Variants in KCNQ2 observed in about 807,000 individuals in gnomAD.
KCNQ2 encodes potassium voltage-gated channel subfamily Q member 2, also known as potassium voltage-gated channel subfamily KQT member 2.
In KCNQ2, 14 loss-of-function variants were observed where a neutral mutation model predicts 84.8. The observed-to-expected ratio is 0.17, with a 90% confidence interval of 0.11 to 0.26. The LOEUF (loss-of-function observed/expected upper bound fraction) is 0.26. Among genes scored for constraint, KCNQ2 ranks in the 10% least tolerant of loss-of-function variants. The probability of loss-of-function intolerance (pLI) is 1.00; values close to 1 mark genes in which losing one functional copy is unlikely to be tolerated. For missense variants in KCNQ2, 788 were observed against 1,254.0 expected (o/e 0.63, Z 5.61); for synonymous variants, 599 against 554.1 (o/e 1.08, Z -1.14).
intron 1 of KCNQ2, among the ~76,000 whole-genome samples, chr20:63,458,186 A>G (rs1192268855): frequency 6.7e-6 from 1 of 148,416 alleles, no homozygotes. Context: ...CCCACTCTCC[A>G]CTGCCCCATC....
In KCNQ2 at chr20:63,439,658, G is replaced by T; in HGVS notation, c.867C>A (p.Asn289Lys). 6.2e-7 allele frequency: 1 copy of T among 1,613,874 alleles called. No homozygotes were observed. The highest frequency in any genetic ancestry group is 1.1e-5 in the South Asian group (1 of 91,088). The change falls in exon 6 of 17, where the codon AAC (asparagine) becomes AAA (lysine). Residue 289 changes from asparagine (N) to lysine (K), a missense_variant. This residue lies in a region of KCNQ2 where 18 missense variants were observed against 166.0 expected (regional missense o/e 0.11). Transcript: ENST00000359125. Reference sequence around the variant, plus strand: ...TGAAGGTTGCCGCAAGGAGCCTGCCGTTCCAGGTCTGGGGGTACTTGTCCC... The same window carrying T: ...TGAAGGTTGCCGCAAGGAGCCTGCCTTTCCAGGTCTGGGGGTACTTGTCCC... ...GYGDKYPQTWNGRLLAATFTL... is the reference protein window; with the variant it reads ...GYGDKYPQTWKGRLLAATFTL...
chr20:63,431,654 A>C (rs1600723434), intron 8 of KCNQ2, among the ~76,000 whole-genome samples: 1 of 152,116 alleles, frequency 6.6e-6, no homozygotes, highest in Non-Finnish European at 1.5e-5. Context: ...GGGTTGGGGC[A>C]GACCCCAGAG....
At chr20:63,451,137 CA>C (rs58922723) in intron 1 of KCNQ2, among the ~76,000 whole-genome samples, 12,025 of 109,958 alleles carry the variant, frequency 0.11, 746 homozygotes, top group South Asian at 0.27. Flanking sequence ...GACTCTGTCC[CA>C]AAAAAAAAAA....
intron 15 of KCNQ2, among the ~76,000 whole-genome samples, chr20:63,412,614 G>A (rs2080153947): frequency 6.6e-6 from 1 of 152,210 alleles, no homozygotes; most frequent in Non-Finnish European, 1.5e-5. Flanking sequence ...TTCCTCAGAT[G>A]AGAGCTTCAC....
In KCNQ2 at chr20:63,438,766, C is replaced by T; in HGVS notation, c.928-46G>A. 3.9e-6 allele frequency: 6 copies of T among 1,551,374 alleles called. No homozygotes were observed. The highest frequency in any genetic ancestry group is 1.7e-4 in the Middle Eastern group (1 of 5,930). Reference sequence around the variant, plus strand: ...GTCACACCCCAGGGACCCCCCACACCCCAATTCATCAGGGTCAGACCATGC... The same window carrying T: ...GTCACACCCCAGGGACCCCCCACACTCCAATTCATCAGGGTCAGACCATGC... On this transcript the variant is annotated intron_variant, in intron 6 of 16. Coordinates refer to ENST00000359125, the MANE Select transcript of KCNQ2 (RefSeq NM_172107.4). The surrounding 1 kb of genome is among the most constrained non-coding windows in gnomAD (Gnocchi z 5.1).
At chr20:63,430,204 G>A (rs1259849820) in intron 9 of KCNQ2, among the ~76,000 whole-genome samples, 1 of 152,186 alleles carries the variant, frequency 6.6e-6, no homozygotes, top group Non-Finnish European at 1.5e-5. Context: ...GCAGGACGGA[G>A]CTGTGGGACG....
chr20:63,471,900 G>C (rs1341749073), intron 1 of KCNQ2: 1 of 433,810 alleles, frequency 2.3e-6, no homozygotes, highest in Non-Finnish European at 4.0e-6. Context: ...CTGAGGAGGG[G>C]GCTGGGGCGG....
intron 1 of KCNQ2, among the ~76,000 whole-genome samples, chr20:63,461,899 C>T (rs2081962121): frequency 7.4e-6 from 1 of 135,538 alleles, no homozygotes; most frequent in East Asian, 2.2e-4. Context: ...TGCACCTACC[C>T]CAGGGAGCAG....
rs1232829393 is a variant in KCNQ2 at position 63,433,946 on chromosome 20, G to A, written c.1024-43C>T. On this transcript the variant is annotated intron_variant, in intron 7 of 16. Transcript: ENST00000359125. ...AGGCAGTTGGCGAGGGGCAGGCGGC[G>A]AGGGGCGCGCCCAGGAGGGCCGGGC... 3.2e-6 allele frequency: 5 copies of A among 1,578,508 alleles called. No homozygotes were observed. In the South Asian group the frequency reaches 5.5e-5, roughly 18 times the overall value.
At chr20:63,422,504 G>C (rs1482605957) in intron 11 of KCNQ2, 1 of 152,494 alleles carries the variant, frequency 6.6e-6, no homozygotes, top group Non-Finnish European at 1.5e-5. Context: ...TCGCCCGTGG[G>C]GGAGGGCGTG....
At position 63,419,680 on chromosome 20, in the gene KCNQ2, TGAG is replaced by T. The variant is rs778365071; in HGVS notation, c.1248-11_1248-9del. On this transcript the variant is annotated splice_polypyrimidine_tract_variant and intron_variant, in intron 11 of 16. Transcript: ENST00000359125. ...CTGCACGGGCTGCCTTTACTGGAAA[TGAG>T]GAGAGCACAGTTAGTCCTGGGCGCC... 2 of 1,609,274 alleles carry T rather than the reference TGAG, an allele frequency of 1.2e-6. No individual in the cohort carries two copies. The highest frequency in any genetic ancestry group is 1.7e-5 in the Admixed American group (1 of 59,500).
chr20:63,400,458 A>C lies in KCNQ2; in HGVS notation c.*6186T>G, dbSNP rs2079786180. Reference sequence around the variant, plus strand: ...TCATTCCCTGGGCGTCTATCCCTAGAAAATGGACGGTGCACAAAGTTGAGA... The same window carrying C: ...TCATTCCCTGGGCGTCTATCCCTAGCAAATGGACGGTGCACAAAGTTGAGA... On this transcript the variant is annotated 3_prime_UTR_variant, in exon 17 of 17. Transcript: ENST00000359125. The surrounding 1 kb of genome is among the most constrained non-coding windows in gnomAD (Gnocchi z 8.7). The C allele has an allele frequency of 2.5e-6, 1 of 397,312 alleles. No homozygotes were observed. Among genetic ancestry groups the C allele is most frequent in the African/African-American group, 2.1e-5 (1 of 48,622 alleles). 24.6% of individuals were successfully genotyped at this position (397,312 alleles called of 1,614,324 possible).
chr20:63,409,309 TTGCGTGTG>T (rs2080042577), intron 15 of KCNQ2, among the ~76,000 whole-genome samples: 2 of 152,156 alleles, frequency 1.3e-5, no homozygotes, highest in Admixed American at 6.5e-5. Context: ...GTGTGCACGT[TTGCGTGTG>T]TGCATGTGTG....
In KCNQ2 at chr20:63,433,850, C is replaced by A; in HGVS notation, c.1077G>T (p.Thr359=). Residue 359 remains threonine (T), a synonymous_variant, in exon 8 of 17, where the codon ACG becomes ACT. Coordinates refer to ENST00000359125, the MANE Select transcript of KCNQ2 (RefSeq NM_172107.4). The part of the protein sequence containing the change: ...TNLSRTDLHS[T]WQYYERTVTV... ...TGACCGTTCGCTCGTAGTACTGCCACGTGGAGTGCAGGTCTGTGCGCGAGA... is the reference window on the plus strand; with the variant it reads ...TGACCGTTCGCTCGTAGTACTGCCAAGTGGAGTGCAGGTCTGTGCGCGAGA... The A allele has an allele frequency of 1.2e-6, 2 of 1,613,826 alleles. No individual in the cohort carries two copies. Among genetic ancestry groups the A allele is most frequent in the Non-Finnish European group, 1.7e-6 (2 of 1,179,816 alleles).
At chr20:63,409,060 T>C (rs1435039446) in intron 15 of KCNQ2, among the ~76,000 whole-genome samples, 2 of 152,202 alleles carry the variant, frequency 1.3e-5, no homozygotes, top group Admixed American at 6.5e-5. Context: ...CGGAGTTAAA[T>C]GTCTGCGGCG....
intron 9 of KCNQ2, among the ~76,000 whole-genome samples, chr20:63,429,345 A>C (rs2080726231): frequency 7.3e-6 from 1 of 136,330 alleles, no homozygotes; most frequent in Non-Finnish European, 1.6e-5. Flanking sequence ...CTGCCATCCC[A>C]TCCACGGCCT....
At chr20:63,471,862 C>G (rs2082224580) in intron 1 of KCNQ2, 1 of 350,910 alleles carries the variant, frequency 2.8e-6, no homozygotes, top group African/African-American at 2.1e-5. Flanking sequence ...TTGTTCGGCG[C>G]AGAGGCCGCG....
intron 7 of KCNQ2, 73 bp from the exon 8 acceptor site, chr20:63,433,976 AG>A: frequency 3.6e-6 from 5 of 1,380,928 alleles, no homozygotes; most frequent in Non-Finnish European, 5.1e-6. Context: ...CCGGGCGTGG[AG>A]GGAACGGGGC....
chr20:63,466,899 C>T (rs2082096626), intron 1 of KCNQ2, among the ~76,000 whole-genome samples: 3 of 152,234 alleles, frequency 2.0e-5, no homozygotes. Context: ...GAGCAGTTTC[C>T]CGTCTCAGAG....
Sources: allele counts gnomAD v4.1 joint callset (sites outside exome capture counted in the v4.1 genomes callset), GRCh38; gene constraint gnomAD v4.1.1; regional missense constraint gnomAD v4.1.1; non-coding constraint Gnocchi (gnomAD v3.1); transcripts MANE v1.5; gene names NCBI Gene and HGNC (gene_info 2026-07-23, HGNC 2026-07-21).